ASH1L: variants seen among roughly 807,000 people sequenced by gnomAD.
The protein encoded by ASH1L is histone-lysine N-methyltransferase ASH1L.
In ASH1L, 23 loss-of-function variants were observed where a neutral mutation model predicts 269.0. The ratio of observed to expected loss-of-function variants is 0.09; its 90% CI spans 0.06 to 0.12. ASH1L has a LOEUF of 0.12. ASH1L is among the 10% of genes least tolerant of loss of function. The probability of loss-of-function intolerance (pLI) is 1.00; values close to 1 mark genes in which losing one functional copy is unlikely to be tolerated. For synonymous variants in ASH1L, 1,187 were observed against 1,253.5 expected (o/e 0.95, Z 1.12); for missense variants, 2,912 against 3,567.8 (o/e 0.82, Z 4.68).
chr1:155,393,345 T>A (rs1374172017), intron 7 of ASH1L, among the ~76,000 whole-genome samples: 1 of 152,122 alleles, frequency 6.6e-6, no homozygotes, highest in Non-Finnish European at 1.5e-5. Context: ...TTAATCAGAA[T>A]ATAAACAAGA....
At chr1:155,555,232 C>T (rs980381773) in intron 1 of ASH1L, among the ~76,000 whole-genome samples, 4 of 151,312 alleles carry the variant, frequency 2.6e-5, no homozygotes, top group African/African-American at 9.7e-5. Flanking sequence ...TGCAGTGGCT[C>T]ACACCTGTAA....
At chr1:155,391,829 G>A (rs774302732) in intron 7 of ASH1L, among the ~76,000 whole-genome samples, 1 of 152,044 alleles carries the variant, frequency 6.6e-6, no homozygotes, top group Non-Finnish European at 1.5e-5. Context: ...GGTAGTGCAT[G>A]CCTGTGGTCC....
Position 155,346,473 on chromosome 1 carries a change from T to C in ASH1L, c.7804-4A>G, listed in dbSNP as rs1453063620. The C allele has an allele frequency of 1.2e-6, 2 of 1,612,258 alleles. No homozygotes were observed. Among genetic ancestry groups the C allele is most frequent in the Admixed American group, 3.3e-5 (2 of 59,916 alleles). ...TACAATCACAGTGCTGCCATACCTG[T>C]AGAAAAACATACAGTTTGGGGAACA... On this transcript the variant is annotated splice_region_variant and splice_polypyrimidine_tract_variant and intron_variant, in intron 20 of 27. Transcript: ENST00000392403.
chr1:155,428,373 T>C (rs1661331559), intron 5 of ASH1L, among the ~76,000 whole-genome samples: 1 of 151,388 alleles, frequency 6.6e-6, no homozygotes, highest in Admixed American at 6.6e-5. Context: ...ACCCAGGAGA[T>C]GGAGGTTGCA....
chr1:155,520,556 T>C (rs1668815611), intron 2 of ASH1L, among the ~76,000 whole-genome samples: 1 of 151,808 alleles, frequency 6.6e-6, no homozygotes, highest in Non-Finnish European at 1.5e-5. Flanking sequence ...ACTTTGGAGT[T>C]TTGCCTTTAA....
intron 5 of ASH1L, chr1:155,434,256 A>G (rs1661892105): frequency 1.2e-6 from 2 of 1,600,572 alleles, no homozygotes; most frequent in Admixed American, 1.7e-5. Flanking sequence ...CCATGCATTC[A>G]AACTGAGGTG....
chr1:155,473,416 A>G (rs1318865432), intron 3 of ASH1L, among the ~76,000 whole-genome samples: 1 of 151,506 alleles, frequency 6.6e-6, no homozygotes, highest in African/African-American at 2.4e-5. Flanking sequence ...AGCAGCTTCA[A>G]CCCTTCTTTA....
Position 155,531,866 on chromosome 1 carries a change from G to C in ASH1L, c.-99-10248C>G, listed in dbSNP as rs138255011. ...CACAACAGAGTGCTTTTTATCTGCT[G>C]AATGTAAACTGCTTGAAAAACAGTC... On this transcript the variant is annotated intron_variant, in intron 1 of 27. Coordinates refer to ENST00000392403, the MANE Select transcript of ASH1L (RefSeq NM_018489.3). 2.5e-3 allele frequency among the ~76,000 whole-genome samples: 377 copies of C among 152,250 alleles called. 3 individuals carry two copies. The highest frequency in any genetic ancestry group is 3.9e-3 in the Non-Finnish European group (266 of 68,014).
rs775160539 is a variant in ASH1L at position 155,562,366 on chromosome 1, C to G, written c.-313G>C. ...GGGGGCAAACTGAGGGGAGGCGGGT[C>G]CCGCAACCGAGACTGGGATCGTCTC... On this transcript the variant is annotated 5_prime_UTR_variant, in exon 1 of 28. Coordinates refer to ENST00000392403, the MANE Select transcript of ASH1L (RefSeq NM_018489.3). 2.0e-6 allele frequency: 3 copies of G among 1,520,382 alleles called. No individual in the cohort carries two copies. The highest frequency in any genetic ancestry group is 1.9e-5 in the Admixed American group (1 of 51,934). 94.2% of individuals were successfully genotyped at this position (1,520,382 alleles called of 1,614,324 possible).
At chr1:155,537,006 C>T (rs1251425416) in intron 1 of ASH1L, among the ~76,000 whole-genome samples, 1 of 150,646 alleles carries the variant, frequency 6.6e-6, no homozygotes, top group Non-Finnish European at 1.5e-5. Flanking sequence ...GGTCACACCA[C>T]TGCACTCCAG....
Position 155,562,409 on chromosome 1 carries a change from C to T in ASH1L, c.-356G>A. ...ATCGTCTCCCCTCCGCAAAGCGAAC[C>T]CAAAATGGCGGCGGGAGCGGCGGCG... On this transcript the variant is annotated 5_prime_UTR_variant, in exon 1 of 28. Coordinates refer to ENST00000392403, the MANE Select transcript of ASH1L (RefSeq NM_018489.3). 1 of 1,494,238 alleles carries T rather than the reference C, an allele frequency of 6.7e-7. No individual in the cohort carries two copies. The highest frequency in any genetic ancestry group is 9.1e-7 in the Non-Finnish European group (1 of 1,100,696). 92.6% of individuals were successfully genotyped at this position (1,494,238 alleles called of 1,614,324 possible). A position where few individuals can be genotyped will look rare whatever the true frequency, so the allele number is the denominator to read the frequency against.
intron 1 of ASH1L, among the ~76,000 whole-genome samples, chr1:155,550,126 T>C (rs1334748661): frequency 1.3e-5 from 2 of 151,510 alleles, no homozygotes; most frequent in Admixed American, 1.3e-4. Flanking sequence ...GTTCAAGCAA[T>C]TCTCCTGCCT....
At chr1:155,428,648 C>T (rs1477125875) in intron 5 of ASH1L, among the ~76,000 whole-genome samples, 3 of 152,074 alleles carry the variant, frequency 2.0e-5, no homozygotes, top group East Asian at 3.9e-4. Flanking sequence ...CGCTTAAAGG[C>T]GTTCTTAAAC....
chr1:155,456,613 T>C (rs774232953), intron 4 of ASH1L, among the ~76,000 whole-genome samples: 1 of 152,192 alleles, frequency 6.6e-6, no homozygotes, highest in Non-Finnish European at 1.5e-5. Context: ...TCTCTTTCAC[T>C]GCCAAATTCA....
intron 2 of ASH1L, among the ~76,000 whole-genome samples, chr1:155,493,713 CA>C (rs549400489): frequency 1.9e-4 from 27 of 144,728 alleles, no homozygotes; most frequent in East Asian, 4.0e-4. Flanking sequence ...ACTAAAAATA[CA>C]AAAAAAAAAA....
rs949067784 is a variant in ASH1L at position 155,349,468 on chromosome 1, C to A, written c.7422-9G>T. ...CATAATAATCAGCATTCCTGGAACA[C>A]AAAGCCAGGGTGTCAATCTGGCACA... On this transcript the variant is annotated splice_polypyrimidine_tract_variant and intron_variant, in intron 18 of 27. Transcript: ENST00000392403. 6.2e-7 allele frequency: 1 copy of A among 1,614,046 alleles called. No individual in the cohort carries two copies. Among genetic ancestry groups the A allele is most frequent in the Non-Finnish European group, 8.5e-7 (1 of 1,180,000 alleles).
intron 1 of ASH1L, chr1:155,561,939 C>T (rs1277066758): frequency 4.1e-6 from 2 of 487,076 alleles, no homozygotes; most frequent in Non-Finnish European, 7.4e-6. Flanking sequence ...CAGCCCCCTC[C>T]GGGAGTCTGC....
In ASH1L at chr1:155,395,542, C is replaced by T. The variant is rs764160439; in HGVS notation, c.6020G>A (p.Arg2007Gln). The change falls in exon 7 of 28, where the codon CGA (arginine) becomes CAA (glutamine). Residue 2007 changes from arginine to glutamine, a missense_variant. Around this residue, in one of 13 missense-constraint regions of ASH1L, gnomAD observed 193 missense variants for 311.6 expected, o/e 0.62. Coordinates refer to ENST00000392403, the MANE Select transcript of ASH1L (RefSeq NM_018489.3). ...CTTCTCTTTCTTTAATTGGATCAATCGACTCTTTGGGCTGTGATAAAAAAA... is the reference window on the plus strand; with the variant it reads ...CTTCTCTTTCTTTAATTGGATCAATTGACTCTTTGGGCTGTGATAAAAAAA... ...DVYKTTDPKSRLIQLKKEKLE... is the reference protein window; with the variant it reads ...DVYKTTDPKSQLIQLKKEKLE... The T allele has an allele frequency of 1.1e-5, 18 of 1,608,282 alleles. No homozygotes were observed. The highest frequency in any genetic ancestry group is 1.5e-5 in the Non-Finnish European group (18 of 1,178,152).
intron 3 of ASH1L, among the ~76,000 whole-genome samples, chr1:155,465,812 A>T (rs1664642099): frequency 6.6e-6 from 1 of 152,216 alleles, no homozygotes; most frequent in South Asian, 2.1e-4. Context: ...CTATTTGAGA[A>T]CTTCTGGTCA....
Sources: gnomAD v4.1 joint callset for allele counts (sites outside exome capture counted in the v4.1 genomes callset) on GRCh38, gnomAD v4.1.1 for gene constraint, gnomAD v4.1.1 regional missense constraint, MANE v1.5 for transcripts, NCBI Gene and HGNC (gene_info 2026-07-23, HGNC 2026-07-21) for gene names.